PITPNC1: variants seen among roughly 807,000 people sequenced by gnomAD.
PITPNC1 encodes the protein phosphatidylinositol transfer protein cytoplasmic 1.
PITPNC1 carries 18 observed loss-of-function variants against 44.7 expected under a neutral mutation model. The ratio of observed to expected loss-of-function variants is 0.40; its 90% confidence interval spans 0.28 to 0.60. The LOEUF (loss-of-function observed/expected upper bound fraction) is 0.60. Ranked by LOEUF, PITPNC1 falls within the 20% of genes least tolerant of loss-of-function variation. PITPNC1 has a pLI of 0.39. For missense variants in PITPNC1, 290 were observed against 418.4 expected, an observed-to-expected ratio of 0.69 and a Z score of 2.68; for synonymous variants, 141 against 149.6, an observed-to-expected ratio of 0.94 and a Z score of 0.42.
intron 5 of PITPNC1, among the ~76,000 whole-genome samples, chr17:67,599,751 G>A (rs2041516657): frequency 6.6e-6 from 1 of 152,188 alleles, no homozygotes; most frequent in African/African-American, 2.4e-5. Context: ...GCTGTAGAAG[G>A]AAGGAAAAGA....
chr17:67,616,084 G>C (rs932239013), intron 5 of PITPNC1, among the ~76,000 whole-genome samples: 5 of 152,274 alleles, frequency 3.3e-5, no homozygotes, highest in African/African-American at 9.6e-5. Context: ...CATAGCATTT[G>C]TGATCCTTCC....
chr17:67,401,292 A>G (rs1325695753), intron 1 of PITPNC1, among the ~76,000 whole-genome samples: 7 of 152,088 alleles, frequency 4.6e-5, no homozygotes, highest in Non-Finnish European at 7.4e-5. Context: ...AACCAGTTAA[A>G]CTTCCTACCC....
chr17:67,606,852 C>G (rs1229693278), intron 5 of PITPNC1, among the ~76,000 whole-genome samples: 1 of 151,792 alleles, frequency 6.6e-6, no homozygotes, highest in African/African-American at 2.4e-5. Flanking sequence ...CAAAAGAATT[C>G]CTGTTTAGCC....
chr17:67,522,745 C>G (rs550731952), intron 1 of PITPNC1, among the ~76,000 whole-genome samples: 2 of 147,910 alleles, frequency 1.4e-5, no homozygotes, highest in East Asian at 2.0e-4. Flanking sequence ...GCATTGCACC[C>G]TGGACCTCCT....
In PITPNC1 at chr17:67,677,918, GAA is replaced by G. The variant is rs60339826; in HGVS notation, c.682+2386_682+2387del. Among the ~76,000 whole-genome samples the G allele has an allele frequency of 8.1e-3, 1,156 of 142,460 alleles. 21 individuals are homozygous for G. The highest frequency in any genetic ancestry group is 0.028 in the African/African-American group (1,094 of 39,210). 93.5% of individuals were successfully genotyped at this position (142,460 alleles called of 152,430 possible). On this transcript the variant is annotated intron_variant, in intron 8 of 8. Transcript: ENST00000581322. ...TAGGGACTTCTAATAAAAATTGAAAGAAAAAAAAAAACTGCCAGGCACGGTAG... is the reference window on the plus strand; with the variant it reads ...TAGGGACTTCTAATAAAAATTGAAAGAAAAAAAAACTGCCAGGCACGGTAG...
At chr17:67,512,355 G>A (rs2040196485) in intron 1 of PITPNC1, among the ~76,000 whole-genome samples, 2 of 152,126 alleles carry the variant, frequency 1.3e-5, no homozygotes, top group Admixed American at 1.3e-4. Flanking sequence ...AAAAAAATTA[G>A]TCAGGCGTGA....
chr17:67,516,139 T>C (rs1431250477), intron 1 of PITPNC1, among the ~76,000 whole-genome samples: 2 of 152,166 alleles, frequency 1.3e-5, no homozygotes, highest in African/African-American at 2.4e-5. Context: ...TCTCATCTCT[T>C]TGGTAAAAAA....
intron 1 of PITPNC1, among the ~76,000 whole-genome samples, chr17:67,472,154 C>G (rs1186316781): frequency 1.3e-5 from 2 of 151,706 alleles, no homozygotes; most frequent in East Asian, 1.9e-4. Context: ...TGAAGTTAAC[C>G]TTGATCACTT....
In PITPNC1 at chr17:67,469,957, T is replaced by C. The variant is rs184660381; in HGVS notation, c.49-62845T>C. Reference sequence around the variant, plus strand: ...TTTTTTTTTGAGACAGAATCTTGTTTTGTCATCCAGGCTGGAGTGCAGTTG... The same window carrying C: ...TTTTTTTTTGAGACAGAATCTTGTTCTGTCATCCAGGCTGGAGTGCAGTTG... On this transcript the variant is annotated intron_variant, in intron 1 of 8. Transcript: ENST00000581322. Among the ~76,000 whole-genome samples, 106 of 152,214 alleles carry C rather than the reference T, an allele frequency of 7.0e-4. 1 individual carries two copies. In the Middle Eastern group the frequency reaches 0.017, roughly 24 times the overall value.
At chr17:67,530,946 T>A (rs2040452622) in intron 1 of PITPNC1, among the ~76,000 whole-genome samples, 1 of 152,150 alleles carries the variant, frequency 6.6e-6, no homozygotes, top group African/African-American at 2.4e-5. Context: ...AAATTAATTT[T>A]AAAAATTGAT....
At chr17:67,399,379 C>A (rs1297339564) in intron 1 of PITPNC1, among the ~76,000 whole-genome samples, 1 of 152,140 alleles carries the variant, frequency 6.6e-6, no homozygotes, top group East Asian at 1.9e-4. Flanking sequence ...GCACTAGCTT[C>A]ATCTTCAAGG....
At chr17:67,488,882 A>ATATC (rs1425439687) in intron 1 of PITPNC1, among the ~76,000 whole-genome samples, 2 of 152,206 alleles carry the variant, frequency 1.3e-5, no homozygotes, top group Non-Finnish European at 2.9e-5. Flanking sequence ...TCTTAGCGTA[A>ATATC]TATCCTCAAG....
chr17:67,594,427 A>T (rs1467294711), intron 5 of PITPNC1, among the ~76,000 whole-genome samples: 1 of 152,064 alleles, frequency 6.6e-6, no homozygotes, highest in Non-Finnish European at 1.5e-5. Context: ...TGCAGTCCCT[A>T]TTCCTTTTTC....
chr17:67,580,081 G>A (rs1345696909), intron 5 of PITPNC1, among the ~76,000 whole-genome samples: 1 of 152,136 alleles, frequency 6.6e-6, no homozygotes, highest in African/African-American at 2.4e-5. Context: ...TGCAGATTAT[G>A]GACAAATTTA....
intron 5 of PITPNC1, among the ~76,000 whole-genome samples, chr17:67,629,754 T>C (rs114336963): frequency 0.015 from 2,227 of 152,362 alleles, 68 homozygotes; most frequent in African/African-American, 0.052. Flanking sequence ...CCACTGTCTG[T>C]TTCATTTCGA....
At chr17:67,461,515 C>T (rs2143973771) in intron 1 of PITPNC1, among the ~76,000 whole-genome samples, 1 of 152,292 alleles carries the variant, frequency 6.6e-6, no homozygotes, top group South Asian at 2.1e-4. Flanking sequence ...CAAACCCATC[C>T]CGTTGTGTTG....
intron 1 of PITPNC1, among the ~76,000 whole-genome samples, chr17:67,491,847 C>A (rs552193640): frequency 3.2e-4 from 48 of 151,996 alleles, no homozygotes; most frequent in Non-Finnish European, 5.3e-4. Flanking sequence ...ACGACAAAAC[C>A]AAAAACCAAA....
intron 1 of PITPNC1, among the ~76,000 whole-genome samples, chr17:67,499,137 G>A (rs1434407611): frequency 6.6e-6 from 1 of 152,148 alleles, no homozygotes. Flanking sequence ...GCCTCTCAAA[G>A]TGCTGGGATT....
chr17:67,610,426 C>T (rs781603456), intron 5 of PITPNC1, among the ~76,000 whole-genome samples: 6 of 152,138 alleles, frequency 3.9e-5, no homozygotes, highest in Non-Finnish European at 8.8e-5. Flanking sequence ...ATTGTTTTTC[C>T]TAATTTGCAT....
Sources: allele counts gnomAD v4.1 joint callset (sites outside exome capture counted in the v4.1 genomes callset), GRCh38; gene constraint gnomAD v4.1.1; transcripts MANE v1.5; gene names NCBI Gene and HGNC (gene_info 2026-07-23, HGNC 2026-07-21).